TCERG1L: variants seen among roughly 807,000 people sequenced by gnomAD.
TCERG1L encodes the protein transcription elongation regulator 1 like.
In TCERG1L, 37 loss-of-function variants were observed where a neutral mutation model predicts 56.3. The ratio of observed to expected loss-of-function variants is 0.66; its 90% CI spans 0.51 to 0.87. The LOEUF is 0.87. TCERG1L is among the 40% of genes least tolerant of loss of function. The pLI is 0.00. For missense variants in TCERG1L, 799 were observed against 774.2 expected (o/e 1.03, Z -0.38); for synonymous variants, 324 against 326.3 (o/e 0.99, Z 0.08).
At chr10:131,251,967 C>A (rs1036531284) in intron 4 of TCERG1L, among the ~76,000 whole-genome samples, 12 of 152,182 alleles carry the variant, frequency 7.9e-5, no homozygotes, top group Admixed American at 7.9e-4. Flanking sequence ...CTGGCAAGCA[C>A]CCTTCTACTA....
intron 3 of TCERG1L, among the ~76,000 whole-genome samples, chr10:131,297,183 G>A (rs998122888): frequency 2.6e-5 from 4 of 152,198 alleles, no homozygotes; most frequent in Non-Finnish European, 5.9e-5. Context: ...TTTGACGTTA[G>A]TGGTAGATCT....
chr10:131,272,412 A>G (rs1165285939), intron 3 of TCERG1L, among the ~76,000 whole-genome samples: 3 of 152,184 alleles, frequency 2.0e-5, no homozygotes, highest in African/African-American at 7.2e-5. Context: ...TATAGTTGCA[A>G]GTTTTGAATG....
chr10:131,248,789 C>A lies in TCERG1L; in HGVS notation c.856+11470G>T, dbSNP rs187069321. ...TCTCCGGCAGAGCTGAGCCCCAGTG[C>A]CATGGGGTGTCATGCCCGGCAGAGG... On this transcript the variant is annotated intron_variant, in intron 4 of 11. Transcript: ENST00000368642. Among the ~76,000 whole-genome samples, 215 of 152,334 alleles carry A rather than the reference C, an allele frequency of 1.4e-3. 2 individuals carry two copies. Among genetic ancestry groups the A allele is most frequent in the Middle Eastern group, 3.4e-3 (1 of 294 alleles).
intron 8 of TCERG1L, among the ~76,000 whole-genome samples, chr10:131,130,380 A>G (rs1845605435): frequency 1.3e-5 from 2 of 152,120 alleles, no homozygotes. Flanking sequence ...ACACAGCCAA[A>G]CCATATCACA....
At chr10:131,199,743 C>A (rs1248679594) in intron 4 of TCERG1L, among the ~76,000 whole-genome samples, 1 of 152,200 alleles carries the variant, frequency 6.6e-6, no homozygotes, top group African/African-American at 2.4e-5. Flanking sequence ...GCACCATCAT[C>A]ACACCCTGTG....
chr10:131,240,923 T>C (rs546060765), intron 4 of TCERG1L, among the ~76,000 whole-genome samples: 1 of 152,282 alleles, frequency 6.6e-6, no homozygotes, highest in South Asian at 2.1e-4. Flanking sequence ...ATCAGGGCCT[T>C]TGGCTCAATC....
Position 131,112,911 on chromosome 10 carries a change from G to A in TCERG1L, c.1395+3888C>T, listed in dbSNP as rs979773877. 1.5e-4 allele frequency among the ~76,000 whole-genome samples: 21 copies of A among 142,258 alleles called. 4 individuals carry two copies. Among genetic ancestry groups the A allele is most frequent in the South Asian group, 1.0e-3 (4 of 3,838 alleles). The allele number at this position is 142,258 out of a possible 152,430, so 93.3% of individuals were successfully genotyped here. A position where few individuals can be genotyped will look rare whatever the true frequency, so the allele number is the denominator to read the frequency against. ...CCCCGTCCCTCCTCGGTTGAGGGTC[G>A]CCCTTGGGGTGTTCAATCCCTAGCG... On this transcript the variant is annotated intron_variant, in intron 9 of 11. Transcript: ENST00000368642.
intron 6 of TCERG1L, among the ~76,000 whole-genome samples, chr10:131,153,834 G>A (rs972663545): frequency 1.9e-4 from 29 of 152,106 alleles, no homozygotes; most frequent in African/African-American, 6.3e-4. Context: ...GCCGAGTGAC[G>A]GCAACTAACA....
chr10:131,169,979 C>T (rs181730538), intron 4 of TCERG1L, among the ~76,000 whole-genome samples: 156 of 152,198 alleles, frequency 1.0e-3, no homozygotes, highest in African/African-American at 3.6e-3. Flanking sequence ...TTGAGATAAA[C>T]GGATTTACAT....
intron 4 of TCERG1L, among the ~76,000 whole-genome samples, chr10:131,231,414 C>G (rs914611203): frequency 5.9e-5 from 9 of 152,194 alleles, no homozygotes; most frequent in African/African-American, 2.2e-4. Context: ...CGAAGGTCGC[C>G]AACCCCAGTT....
intron 8 of TCERG1L, among the ~76,000 whole-genome samples, chr10:131,128,311 G>A (rs1845582717): frequency 1.3e-5 from 2 of 152,162 alleles, no homozygotes; most frequent in East Asian, 1.9e-4. Flanking sequence ...GGAGGAAGCC[G>A]AGGGAGAACC....
rs1473576015 is a variant in TCERG1L at position 131,093,090 on chromosome 10, T to C, written c.*72A>G. Reference sequence around the variant, plus strand: ...CTCGGCCGCCCCACGCCCGTGTCCGTCTCCACCGTGACCCCCTCGCCCCCG... The same window carrying C: ...CTCGGCCGCCCCACGCCCGTGTCCGCCTCCACCGTGACCCCCTCGCCCCCG... On this transcript the variant is annotated 3_prime_UTR_variant, in exon 12 of 12. Transcript: ENST00000368642. 22 of 1,536,052 alleles carry C rather than the reference T, an allele frequency of 1.4e-5. No homozygotes were observed. The highest frequency in any genetic ancestry group is 1.8e-5 in the Non-Finnish European group (21 of 1,138,512).
chr10:131,162,697 G>A (rs1203681413), intron 6 of TCERG1L: 1 of 157,730 alleles, frequency 6.3e-6, no homozygotes, highest in African/African-American at 2.4e-5. Context: ...AGGGTGTCTG[G>A]AGTGTGGCAT....
intron 7 of TCERG1L, among the ~76,000 whole-genome samples, chr10:131,140,729 C>A (rs1288826567): frequency 6.6e-6 from 1 of 152,156 alleles, no homozygotes; most frequent in Admixed American, 6.5e-5. Flanking sequence ...GCGAGGGATG[C>A]CCAGGAGGCA....
chr10:131,152,971 C>T (rs1249546632), intron 6 of TCERG1L, among the ~76,000 whole-genome samples: 1 of 152,188 alleles, frequency 6.6e-6, no homozygotes, highest in African/African-American at 2.4e-5. Flanking sequence ...ATTACCTCCA[C>T]CTGCTCCTGC....
intron 4 of TCERG1L, among the ~76,000 whole-genome samples, chr10:131,214,409 C>T (rs905522108): frequency 3.9e-5 from 6 of 152,194 alleles, no homozygotes; most frequent in Non-Finnish European, 8.8e-5. Flanking sequence ...GTCTCTAATA[C>T]GTCTTTAACT....
At chr10:131,271,161 T>C (rs1229586889) in intron 3 of TCERG1L, among the ~76,000 whole-genome samples, 1 of 147,616 alleles carries the variant, frequency 6.8e-6, no homozygotes, top group East Asian at 1.9e-4. Context: ...CTCCAGAACC[T>C]GCCTCCAGAA....
At chr10:131,226,716 A>C (rs1288031086) in intron 4 of TCERG1L, among the ~76,000 whole-genome samples, 1 of 152,248 alleles carries the variant, frequency 6.6e-6, no homozygotes, top group East Asian at 1.9e-4. Flanking sequence ...AATACATGTA[A>C]TCAAAAATAA....
chr10:131,141,261 C>T (rs1041797928), intron 7 of TCERG1L, among the ~76,000 whole-genome samples: 1 of 152,166 alleles, frequency 6.6e-6, no homozygotes, highest in Admixed American at 6.5e-5. Context: ...GGCTCACTGT[C>T]CCCAGACAGC....
Sources: allele counts gnomAD v4.1 joint callset (sites outside exome capture counted in the v4.1 genomes callset), GRCh38; gene constraint gnomAD v4.1.1; transcripts MANE v1.5; gene names NCBI Gene and HGNC (gene_info 2026-07-23, HGNC 2026-07-21).